Variants in RAI2 observed in about 807,000 individuals in gnomAD.
The protein encoded by RAI2 is retinoic acid induced 2.
A neutral mutation model predicts 15.3 loss-of-function variants in RAI2; 5 were observed. That is an observed-to-expected ratio of 0.33 (90% CI 0.17 to 0.69). RAI2 has a LOEUF of 0.69. Among genes scored for constraint, RAI2 ranks in the 30% least tolerant of loss-of-function variants. The pLI, the probability that RAI2 is intolerant of heterozygous loss-of-function variation, is 0.69. For missense variants in RAI2, 424 were observed against 424.7 expected (o/e 1.00, Z 0.01); for synonymous variants, 191 against 184.0 (o/e 1.04, Z -0.31).
At chrX:17,804,488 T>G (rs975220569) in intron 1 of RAI2, among the ~76,000 whole-genome samples, 2 of 112,060 alleles carry the variant, frequency 1.8e-5, no homozygotes, top group Non-Finnish European at 3.8e-5. Context: ...ATGAAGGCCC[T>G]GAGAACCTAA....
rs58176162 is a variant in RAI2 at position 17,842,292 on chromosome X, G to T, written c.-25+18806C>A. Reference sequence around the variant, plus strand: ...GGACAGAGGGAGGCTTAGTCTCACTGCGAGGGAGAGGCAGCAAAGGATGGT... The same window carrying T: ...GGACAGAGGGAGGCTTAGTCTCACTTCGAGGGAGAGGCAGCAAAGGATGGT... On this transcript the variant is annotated intron_variant, in intron 1 of 1. Coordinates refer to ENST00000451717, the MANE Select transcript of RAI2 (RefSeq NM_021785.6). Among the ~76,000 whole-genome samples, 867 of 111,530 alleles carry T rather than the reference G, an allele frequency of 7.8e-3. 11 individuals carry two copies. The highest frequency in any genetic ancestry group is 0.027 in the African/African-American group (832 of 30,653).
intron 1 of RAI2, among the ~76,000 whole-genome samples, chrX:17,809,237 G>A (rs930046459): frequency 8.9e-6 from 1 of 112,389 alleles, no homozygotes; most frequent in Non-Finnish European, 1.9e-5. Flanking sequence ...TGAGTTCCCT[G>A]ACACGCTAAT....
intron 1 of RAI2, among the ~76,000 whole-genome samples, chrX:17,817,764 A>ATGGTTTGC (rs1311050821): frequency 8.9e-6 from 1 of 112,134 alleles, no homozygotes; most frequent in African/African-American, 3.2e-5. Flanking sequence ...GTACCCTTTG[A>ATGGTTTGC]TGGTTTGCTG....
chrX:17,859,599 A>G (rs1250973924), intron 1 of RAI2, among the ~76,000 whole-genome samples: 1 of 112,875 alleles, frequency 8.9e-6, no homozygotes, highest in Non-Finnish European at 1.9e-5. Flanking sequence ...GCTCTGCGGA[A>G]TATCATTCTG....
intron 1 of RAI2, among the ~76,000 whole-genome samples, chrX:17,821,875 A>G (rs1476748839): frequency 9.0e-6 from 1 of 110,565 alleles, no homozygotes; most frequent in Non-Finnish European, 1.9e-5. Context: ...GCCTCCAAGC[A>G]GCTTTCAGGT....
chrX:17,827,851 G>A (rs2067243663), intron 1 of RAI2, among the ~76,000 whole-genome samples: 1 of 111,713 alleles, frequency 9.0e-6, no homozygotes, highest in Non-Finnish European at 1.9e-5. Context: ...GAGGGAAGGT[G>A]GGGAGGTTGA....
At chrX:17,820,110 C>G (rs1025050355) in intron 1 of RAI2, among the ~76,000 whole-genome samples, 1 of 111,863 alleles carries the variant, frequency 8.9e-6, no homozygotes, top group Non-Finnish European at 1.9e-5. Context: ...TGTTGGTTAG[C>G]TGGTGAGGAC....
chrX:17,819,667 T>C (rs1196095439), intron 1 of RAI2, among the ~76,000 whole-genome samples: 3 of 112,542 alleles, frequency 2.7e-5, no homozygotes, highest in Non-Finnish European at 5.6e-5. Flanking sequence ...CTGCTACAGG[T>C]AATGGCACAA....
At chrX:17,821,159 C>T (rs1479458076) in intron 1 of RAI2, among the ~76,000 whole-genome samples, 1 of 112,298 alleles carries the variant, frequency 8.9e-6, no homozygotes, top group African/African-American at 3.2e-5. Flanking sequence ...ATGTTCTATA[C>T]ATGGTCCACT....
intron 1 of RAI2, among the ~76,000 whole-genome samples, chrX:17,841,804 A>G (rs1315964224): frequency 1.8e-5 from 2 of 112,169 alleles, no homozygotes; most frequent in African/African-American, 6.5e-5. Context: ...GCAGTAGAAG[A>G]AGCACAAGAA....
chrX:17,854,173 A>C (rs1467602839), intron 1 of RAI2, among the ~76,000 whole-genome samples: 1 of 111,948 alleles, frequency 8.9e-6, no homozygotes, highest in East Asian at 2.8e-4. Flanking sequence ...AGTGAGCAAA[A>C]CATGCAGCCC....
At chrX:17,811,099 T>C (rs750441018) in intron 1 of RAI2, among the ~76,000 whole-genome samples, 295 of 112,675 alleles carry the variant, frequency 2.6e-3, no homozygotes, top group African/African-American at 9.3e-3. Context: ...GTGATATTCA[T>C]GCAAGGATCT....
intron 1 of RAI2, among the ~76,000 whole-genome samples, chrX:17,856,645 C>T (rs778624270): frequency 1.8e-5 from 2 of 112,616 alleles, no homozygotes; most frequent in African/African-American, 6.5e-5. Context: ...CGGTGCTGCC[C>T]CACAGCAGTG....
At chrX:17,823,366 A>G (rs2147240047) in intron 1 of RAI2, among the ~76,000 whole-genome samples, 1 of 112,450 alleles carries the variant, frequency 8.9e-6, no homozygotes, top group South Asian at 3.7e-4. Flanking sequence ...TTATATTTGA[A>G]ACTATAAATA....
At position 17,801,403 on chromosome X, in the gene RAI2, C is replaced by G. The variant is rs1287009226; in HGVS notation, c.608G>C (p.Cys203Ser). The G allele has an allele frequency of 1.7e-6, 2 of 1,150,783 alleles. No homozygotes were observed. Among genetic ancestry groups the G allele is most frequent in the South Asian group, 4.2e-5 (2 of 48,063 alleles). The allele number at this position is 1,150,783 out of a possible 1,213,427, so 94.8% of individuals were successfully genotyped here. A position where few individuals can be genotyped will look rare whatever the true frequency, so the allele number is the denominator to read the frequency against. Residue 203 changes from cysteine to serine, a missense_variant, in exon 2 of 2, where the codon TGT (cysteine) becomes TCT (serine). Coordinates refer to ENST00000451717, the MANE Select transcript of RAI2 (RefSeq NM_021785.6). ...PSQGTLGPPP[C>S]QPPPGYAPVP... ...AGGGGCATAGCCAGGAGGAGGCTGA[C>G]AGGGTGGGGGCCCGAGAGTGCCCTG...
intron 1 of RAI2, among the ~76,000 whole-genome samples, chrX:17,834,735 A>T (rs1236551108): frequency 1.8e-5 from 2 of 111,190 alleles, no homozygotes; most frequent in Non-Finnish European, 3.8e-5. Context: ...CAGGAGGAAA[A>T]AGGAGGTTGA....
At chrX:17,821,663 T>C (rs1203443739) in intron 1 of RAI2, among the ~76,000 whole-genome samples, 1 of 110,900 alleles carries the variant, frequency 9.0e-6, no homozygotes, top group Non-Finnish European at 1.9e-5. Context: ...AGGCAGGGGA[T>C]AGATGACATA....
At chrX:17,838,640 AACAC>A (rs939115482) in intron 1 of RAI2, among the ~76,000 whole-genome samples, 29 of 98,199 alleles carry the variant, frequency 3.0e-4, no homozygotes, top group African/African-American at 1.2e-3. Flanking sequence ...GACCGCCTCA[AACAC>A]ACACACACAC....
At chrX:17,814,826 C>T (rs2067087297) in intron 1 of RAI2, among the ~76,000 whole-genome samples, 1 of 110,582 alleles carries the variant, frequency 9.0e-6, no homozygotes, top group Non-Finnish European at 1.9e-5. Context: ...GCAAGATGTT[C>T]CTGGGATGAG....
Sources: allele counts gnomAD v4.1 joint callset (sites outside exome capture counted in the v4.1 genomes callset), GRCh38; gene constraint gnomAD v4.1.1; transcripts MANE v1.5; gene names NCBI Gene and HGNC (gene_info 2026-07-23, HGNC 2026-07-21).